INTS9: variants seen among roughly 807,000 people sequenced by gnomAD.
INTS9 encodes protein related to CPSF subunits of 74 kDa.
Under a neutral mutation model 79.7 loss-of-function variants are expected in INTS9, and 55 were observed. The observed-to-expected ratio is 0.69, with a 90% CI of 0.56 to 0.86. The LOEUF (loss-of-function observed/expected upper bound fraction) is 0.86. Among genes scored for constraint, INTS9 ranks in the 40% least tolerant of loss-of-function variants. The probability of loss-of-function intolerance (pLI) is 0.00; values close to 1 mark genes in which losing one functional copy is unlikely to be tolerated. For missense variants in INTS9, 721 were observed against 831.5 expected, an observed-to-expected ratio of 0.87 and a Z score of 1.64; for synonymous variants, 319 against 325.2, an observed-to-expected ratio of 0.98 and a Z score of 0.20.
intron 1 of INTS9, among the ~76,000 whole-genome samples, chr8:28,888,045 T>C (rs1213047303): frequency 6.6e-6 from 1 of 152,226 alleles, no homozygotes; most frequent in African/African-American, 2.4e-5. Flanking sequence ...AATTTGCTCT[T>C]TATTGAGAAC....
At chr8:28,793,580 T>C in intron 10 of INTS9, 1 of 420,976 alleles carries the variant, frequency 2.4e-6, no homozygotes, top group South Asian at 5.1e-5. Flanking sequence ...AGTGCTGGGC[T>C]AAGGTAAGTC....
At chr8:28,882,292 T>C (rs182658196) in intron 1 of INTS9, among the ~76,000 whole-genome samples, 20 of 127,768 alleles carry the variant, frequency 1.6e-4, no homozygotes, top group Middle Eastern at 3.5e-3. Context: ...TCCCTAATCT[T>C]AAGTACCCAG....
intron 4 of INTS9, among the ~76,000 whole-genome samples, chr8:28,839,733 G>A (rs1301796114): frequency 3.9e-5 from 6 of 152,132 alleles, no homozygotes; most frequent in Non-Finnish European, 7.3e-5. Context: ...AAACTGGCTA[G>A]CCATATGTAG....
chr8:28,857,836 C>A (rs75723036), intron 2 of INTS9, among the ~76,000 whole-genome samples: 1 of 152,246 alleles, frequency 6.6e-6, no homozygotes, highest in Admixed American at 6.5e-5. Context: ...ATAAGTGCTA[C>A]GAAGACAAAG....
chr8:28,812,902 T>C (rs1464841596), intron 7 of INTS9, among the ~76,000 whole-genome samples: 1 of 152,182 alleles, frequency 6.6e-6, no homozygotes, highest in Non-Finnish European at 1.5e-5. Context: ...AACAGAAAGA[T>C]GATGGAGATC....
Position 28,826,861 on chromosome 8 carries a change from C to T in INTS9, c.488+8431G>A, listed in dbSNP as rs1585422456. Among the ~76,000 whole-genome samples, 8 of 152,288 alleles carry T rather than the reference C, an allele frequency of 5.3e-5. No homozygotes were observed. The South Asian group carries it at 1.2e-3, about 24-fold the overall frequency. On this transcript the variant is annotated intron_variant, in intron 6 of 16. Transcript: ENST00000521022. ...GGCATTTTTCTACAAACTTAGAATA[C>T]CAGGCATTTGGTAGTTACTCAACAA...
At chr8:28,876,460 CTCTT>C (rs1809394731) in intron 1 of INTS9, among the ~76,000 whole-genome samples, 1 of 152,136 alleles carries the variant, frequency 6.6e-6, no homozygotes. Flanking sequence ...AAAAGAGTCT[CTCTT>C]TACTAATGAC....
chr8:28,828,889 G>C (rs1806308744), intron 6 of INTS9, among the ~76,000 whole-genome samples: 1 of 152,084 alleles, frequency 6.6e-6, no homozygotes, highest in Non-Finnish European at 1.5e-5. Flanking sequence ...CACCATATTG[G>C]TCACACTGGT....
intron 3 of INTS9, among the ~76,000 whole-genome samples, chr8:28,847,709 C>T (rs1421129753): frequency 6.6e-6 from 1 of 152,126 alleles, no homozygotes; most frequent in African/African-American, 2.4e-5. Context: ...ACAGGCTGAC[C>T]CTGAGAAAAG....
chr8:28,867,947 G>A (rs893377298), intron 1 of INTS9, among the ~76,000 whole-genome samples: 1 of 152,142 alleles, frequency 6.6e-6, no homozygotes, highest in African/African-American at 2.4e-5. Context: ...GGCATAGGAA[G>A]TATAAAACAT....
intron 8 of INTS9, among the ~76,000 whole-genome samples, chr8:28,801,892 C>T (rs1015043349): frequency 1.7e-4 from 26 of 152,170 alleles, no homozygotes; most frequent in Admixed American, 1.2e-3. Flanking sequence ...GGATTACAGG[C>T]GGGAGCCACC....
chr8:28,775,944 C>T lies in INTS9; in HGVS notation c.1396-18G>A, dbSNP rs750823393. The T allele has an allele frequency of 1.1e-5, 17 of 1,530,714 alleles. No individual in the cohort carries two copies. The highest frequency in any genetic ancestry group is 1.5e-5 in the Non-Finnish European group (17 of 1,138,182). The allele number at this position is 1,530,714 out of a possible 1,614,324, so 94.8% of individuals were successfully genotyped here. On this transcript the variant is annotated intron_variant, in intron 13 of 16. Coordinates refer to ENST00000521022, the MANE Select transcript of INTS9 (RefSeq NM_018250.4). ...TGCAGGGGCTGAGGAACCAATGGGACAGTTGAGAAAGGTGGTGTGAAGTAC... is the reference window on the plus strand; with the variant it reads ...TGCAGGGGCTGAGGAACCAATGGGATAGTTGAGAAAGGTGGTGTGAAGTAC...
intron 6 of INTS9, 56 bp downstream of exon 6, chr8:28,835,235 GC>G: frequency 8.7e-7 from 1 of 1,148,184 alleles, no homozygotes; most frequent in Non-Finnish European, 1.3e-6. Context: ...AAATGAGACT[GC>G]TTTGCAAAGC....
intron 4 of INTS9, among the ~76,000 whole-genome samples, chr8:28,843,511 T>C (rs1409697106): frequency 6.6e-6 from 1 of 152,238 alleles, no homozygotes; most frequent in East Asian, 1.9e-4. Flanking sequence ...TTTTTTAAGC[T>C]TTCCTTTTGC....
chr8:28,771,459 G>C (rs1802535216), intron 14 of INTS9, among the ~76,000 whole-genome samples: 1 of 152,184 alleles, frequency 6.6e-6, no homozygotes. Flanking sequence ...CTGCCGTGCA[G>C]CCTGACCTTA....
chr8:28,832,456 C>T (rs1806549918), intron 6 of INTS9, among the ~76,000 whole-genome samples: 1 of 152,164 alleles, frequency 6.6e-6, no homozygotes, highest in Non-Finnish European at 1.5e-5. Context: ...AAGCCTACTT[C>T]CTCGTCCCCT....
intron 10 of INTS9, among the ~76,000 whole-genome samples, chr8:28,790,085 T>C (rs991323971): frequency 6.6e-6 from 1 of 151,974 alleles, no homozygotes; most frequent in African/African-American, 2.4e-5. Context: ...AGCAGGACCA[T>C]GTAGAAGCCA....
rs567612844 is a variant in INTS9, at chr8:28,814,029, G to A, written c.489-417C>T. Among the ~76,000 whole-genome samples the A allele has an allele frequency of 2.6e-5, 4 of 151,002 alleles. No individual in the cohort carries two copies. The East Asian group carries it at 7.8e-4, about 29-fold the overall frequency. On this transcript the variant is annotated intron_variant, in intron 6 of 16. Coordinates refer to ENST00000521022, the MANE Select transcript of INTS9 (RefSeq NM_018250.4). ...CCAACTCGGCCTCCCAAAGTGCTGG[G>A]ATTACAGGCATGAGCCACCGTGCTC...
intron 8 of INTS9, among the ~76,000 whole-genome samples, chr8:28,805,131 G>A (rs1018667875): frequency 1.3e-5 from 2 of 152,080 alleles, no homozygotes; most frequent in East Asian, 3.8e-4. Context: ...ACATTCACAG[G>A]AAAAACACAC....
Sources: gnomAD v4.1 joint callset for allele counts (sites outside exome capture counted in the v4.1 genomes callset) on GRCh38, gnomAD v4.1.1 for gene constraint, MANE v1.5 for transcripts, NCBI Gene and HGNC (gene_info 2026-07-23, HGNC 2026-07-21) for gene names.